Variants in RIMS1 observed in about 807,000 individuals in gnomAD.
RIMS1 encodes the protein regulating synaptic membrane exocytosis protein 1.
RIMS1 carries 83 observed loss-of-function variants against 214.1 expected under a neutral mutation model. That is an observed-to-expected ratio of 0.39 (90% confidence interval 0.32 to 0.47). RIMS1 has a LOEUF of 0.47. RIMS1 is among the 20% of genes least tolerant of loss of function. The pLI is 0.99. For missense variants in RIMS1, 2,050 were observed against 2,161.8 expected, an observed-to-expected ratio of 0.95 and a Z score of 1.03; for synonymous variants, 793 against 786.8, an observed-to-expected ratio of 1.01 and a Z score of -0.13.
chr6:72,193,213 G>A (rs1279814607), intron 6 of RIMS1, among the ~76,000 whole-genome samples: 1 of 152,158 alleles, frequency 6.6e-6, no homozygotes, highest in Non-Finnish European at 1.5e-5. Flanking sequence ...GCCTCACCAT[G>A]CTGTTTCCCC....
chr6:71,966,936 C>T (rs567544178), intron 1 of RIMS1, among the ~76,000 whole-genome samples: 1 of 152,272 alleles, frequency 6.6e-6, no homozygotes, highest in African/African-American at 2.4e-5. Flanking sequence ...TTTAAAAACT[C>T]TTAAGTAGTA....
chr6:72,116,048 G>T (rs1258005608), intron 4 of RIMS1, among the ~76,000 whole-genome samples: 1 of 151,872 alleles, frequency 6.6e-6, no homozygotes, highest in Admixed American at 6.6e-5. Context: ...CCTACTTAAT[G>T]TATTTCTTGT....
chr6:72,048,498 A>C (rs941750616), intron 2 of RIMS1, among the ~76,000 whole-genome samples: 3 of 152,184 alleles, frequency 2.0e-5, no homozygotes, highest in African/African-American at 7.2e-5. Context: ...TTGCCTTCTC[A>C]AGAGTTGTGT....
At chr6:72,250,563 T>C (rs2072786159) in intron 13 of RIMS1, 103 bp downstream of exon 13, 2 of 812,058 alleles carry the variant, frequency 2.5e-6, no homozygotes, top group Non-Finnish European at 3.7e-6. Context: ...TAGATAATTC[T>C]GAGGAGATAA....
chr6:72,376,835 G>A (rs1458451382), intron 29 of RIMS1, among the ~76,000 whole-genome samples: 1 of 151,636 alleles, frequency 6.6e-6, no homozygotes, highest in Non-Finnish European at 1.5e-5. Context: ...AGGTTTTTCA[G>A]AGTCTGACCA....
At chr6:72,197,818 A>G (rs894381781) in intron 6 of RIMS1, among the ~76,000 whole-genome samples, 4 of 152,118 alleles carry the variant, frequency 2.6e-5, no homozygotes, top group Admixed American at 2.0e-4. Flanking sequence ...CCATACAGCC[A>G]TGGGGATGCC....
intron 1 of RIMS1, among the ~76,000 whole-genome samples, chr6:71,937,224 TTGG>T (rs1392170886): frequency 2.6e-5 from 4 of 152,162 alleles, no homozygotes; most frequent in Non-Finnish European, 4.4e-5. Flanking sequence ...AGAAATGTAT[TTGG>T]CTTATAGTTC....
chr6:72,386,731 CTTT>C (rs35080577), intron 29 of RIMS1, among the ~76,000 whole-genome samples: 1 of 109,866 alleles, frequency 9.1e-6, no homozygotes, highest in African/African-American at 3.3e-5. Flanking sequence ...CACTGTCTTT[CTTT>C]TTTTTTTTTT....
At chr6:72,097,910 A>C (rs890203418) in intron 3 of RIMS1, among the ~76,000 whole-genome samples, 1 of 152,162 alleles carries the variant, frequency 6.6e-6, no homozygotes, top group African/African-American at 2.4e-5. Context: ...TTTAGAATAC[A>C]TTTTAATGTT....
intron 7 of RIMS1, among the ~76,000 whole-genome samples, chr6:72,234,958 G>A (rs2063450046): frequency 6.6e-6 from 1 of 151,914 alleles, no homozygotes; most frequent in South Asian, 2.1e-4. Context: ...TGCCCAGTTT[G>A]TTCATCAATT....
At chr6:72,278,087 C>T (rs2087610365) in intron 23 of RIMS1, among the ~76,000 whole-genome samples, 1 of 152,026 alleles carries the variant, frequency 6.6e-6, no homozygotes, top group Admixed American at 6.6e-5. Flanking sequence ...TATATTTTAA[C>T]ATGTCACTGG....
At chr6:71,926,139 G>C (rs1442135438) in intron 1 of RIMS1, among the ~76,000 whole-genome samples, 1 of 152,050 alleles carries the variant, frequency 6.6e-6, no homozygotes, top group Non-Finnish European at 1.5e-5. Context: ...CACCATGTCG[G>C]CCAGGATGGT....
At chr6:72,038,118 AATATATATATATATATATAT>A (rs70994111) in intron 2 of RIMS1, among the ~76,000 whole-genome samples, 403 of 13,358 alleles carry the variant, frequency 0.03, 10 homozygotes, top group Non-Finnish European at 0.035. Flanking sequence ...AAAAAAAAAA[AATATATATATATATATATAT>A]ATATATATAT....
intron 2 of RIMS1, among the ~76,000 whole-genome samples, chr6:72,051,717 G>A (rs577584790): frequency 6.6e-6 from 1 of 152,160 alleles, no homozygotes; most frequent in Admixed American, 6.5e-5. Flanking sequence ...GAGATGGTAA[G>A]ATCCTAGTAA....
In RIMS1 at chr6:72,390,603, G is replaced by C; in HGVS notation, c.4372G>C (p.Gly1458Arg). Residue 1458 changes from glycine to arginine, a missense_variant, in exon 30 of 34, where the codon GGC becomes CGC. Physicochemically the swap from Gly to Arg is moderately radical, Grantham distance 125. Transcript: ENST00000521978. Reference protein sequence around the residue: ...STSQLSQTESGHKKLKSTIQR... With the variant: ...STSQLSQTESRHKKLKSTIQR... ...CTTTTACTCTCTCCTGTCAGAGTCG[G>C]GCCACAAAAAGTTAAAAAGTACCAT... is the stretch of plus-strand genomic sequence containing the variant. 5 of 1,612,292 alleles carry C rather than the reference G, an allele frequency of 3.1e-6. No individual in the cohort carries two copies. The highest frequency in any genetic ancestry group is 4.2e-6 in the Non-Finnish European group (5 of 1,179,004).
chr6:72,306,568 A>G (rs983013138), intron 26 of RIMS1, among the ~76,000 whole-genome samples: 9 of 152,224 alleles, frequency 5.9e-5, no homozygotes, highest in Admixed American at 4.6e-4. Context: ...GATTAATAAA[A>G]GCTTAAAAGT....
At chr6:71,944,402 G>A (rs1323578995) in intron 1 of RIMS1, among the ~76,000 whole-genome samples, 11 of 152,206 alleles carry the variant, frequency 7.2e-5, no homozygotes, top group Admixed American at 7.2e-4. Flanking sequence ...AGTGTTGGGA[G>A]TGGAGGACAA....
chr6:72,010,512 T>C (rs917105100), intron 2 of RIMS1, among the ~76,000 whole-genome samples: 8 of 152,186 alleles, frequency 5.3e-5, no homozygotes, highest in Non-Finnish European at 1.2e-4. Flanking sequence ...ATAAAGGGTA[T>C]TCAATTAGGA....
Position 72,270,281 on chromosome 6 carries a change from GA to G in RIMS1, c.3399-4063del, listed in dbSNP as rs570150169. Among the ~76,000 whole-genome samples, 60 of 151,366 alleles carry G rather than the reference GA, an allele frequency of 4.0e-4. 2 individuals are homozygous for G. In the East Asian group the frequency reaches 9.1e-3, roughly 23 times the overall value. On this transcript the variant is annotated intron_variant, in intron 22 of 33. Coordinates refer to ENST00000521978, the MANE Select transcript of RIMS1 (RefSeq NM_014989.7). ...AATTTAGTTTAAAACAATATTGGGG[GA>G]AAAATATTTAAGGACTAAAATGAAT...
Sources: gnomAD v4.1 joint callset for allele counts (sites outside exome capture counted in the v4.1 genomes callset) on GRCh38, gnomAD v4.1.1 for gene constraint, MANE v1.5 for transcripts, NCBI Gene and HGNC (gene_info 2026-07-23, HGNC 2026-07-21) for gene names.